The following C4orf50 variants were observed in gnomAD, a reference collection of about 807,000 sequenced individuals.
C4orf50 encodes the protein chromosome 4 open reading frame 50.
In C4orf50, 80 loss-of-function variants were observed where a neutral mutation model predicts 77.2. The ratio of observed to expected loss-of-function variants is 1.04; its 90% CI spans 0.87 to 1.25. The LOEUF (loss-of-function observed/expected upper bound fraction) is 1.25, where lower values mean the gene tolerates loss of function less well. Among genes scored for constraint, C4orf50 ranks in the 50% most tolerant of loss-of-function variants. The probability of loss-of-function intolerance (pLI) is 0.00; values close to 1 mark genes in which losing one functional copy is unlikely to be tolerated. For missense variants in C4orf50, 1,257 were observed against 1,152.9 expected, an observed-to-expected ratio of 1.09 and a Z score of -1.31; for synonymous variants, 532 against 465.3, an observed-to-expected ratio of 1.14 and a Z score of -1.84.
At chr4:5,973,769 G>A in exon 31 of C4orf50, 3 of 1,613,856 alleles carry the variant, frequency 1.9e-6, no homozygotes, top group Non-Finnish European at 2.5e-6. Context: ...CCATGTCTGT[G>A]CAGCTCCTGC....
At chr4:5,959,202 C>A in exon 34 of C4orf50, 1 of 737,186 alleles carries the variant, frequency 1.4e-6, no homozygotes, top group Non-Finnish European at 2.2e-6. Context: ...AGGCACAGGC[C>A]AGCGTTTCTC....
At chr4:5,914,093 G>A (rs917182525) in intron 7 of C4orf50, among the ~76,000 whole-genome samples, 1 of 151,316 alleles carries the variant, frequency 6.6e-6, no homozygotes. Flanking sequence ...TGAAAAAGTA[G>A]ATAAAATTGT....
At chr4:5,941,803 C>T (rs1255093984) in intron 7 of C4orf50, among the ~76,000 whole-genome samples, 5 of 152,076 alleles carry the variant, frequency 3.3e-5, no homozygotes, top group Admixed American at 3.3e-4. Context: ...CTAAGGTTGG[C>T]CTGGCGCCAG....
intron 28 of C4orf50, among the ~76,000 whole-genome samples, chr4:5,987,989 G>A (rs1296951707): frequency 6.6e-6 from 1 of 152,174 alleles, no homozygotes. Flanking sequence ...AGTACTTGGA[G>A]CACTTGAAAA....
At chr4:5,906,653 C>T (rs191713664) in intron 7 of C4orf50, among the ~76,000 whole-genome samples, 59 of 152,310 alleles carry the variant, frequency 3.9e-4, no homozygotes, top group African/African-American at 1.3e-3. Flanking sequence ...TGCTGCAATG[C>T]TAAGGGTCTC....
At chr4:5,933,805 G>A (rs897946783) in intron 7 of C4orf50, among the ~76,000 whole-genome samples, 1 of 152,178 alleles carries the variant, frequency 6.6e-6, no homozygotes, top group African/African-American at 2.4e-5. Flanking sequence ...CCCCTGGGAG[G>A]CATGGGAGTG....
chr4:5,989,759 CA>C lies in C4orf50; in HGVS notation c.2286del (p.Phe762LeufsTer31). The C allele has an allele frequency of 6.5e-7, 1 of 1,531,206 alleles. No individual in the cohort carries two copies. The highest frequency in any genetic ancestry group is 8.7e-7 in the Non-Finnish European group (1 of 1,143,132). The allele number at this position is 1,531,206 out of a possible 1,614,324, so 94.9% of individuals were successfully genotyped here. On this transcript the variant is annotated frameshift_variant, in exon 28 of 34. Coordinates refer to ENST00000531445, the Ensembl canonical transcript of C4orf50. LOFTEE classifies it high-confidence loss of function. Reference sequence around the variant, plus strand: ...AACAGTGGCAAACCTGTCTCTCCTGCAAAGAAAAGCATTTCCTTGCTCTCAT... The same window carrying C: ...AACAGTGGCAAACCTGTCTCTCCTGCAAGAAAAGCATTTCCTTGCTCTCAT...
chr4:5,915,756 A>G (rs1436947906), intron 7 of C4orf50, among the ~76,000 whole-genome samples: 2 of 152,158 alleles, frequency 1.3e-5, no homozygotes, highest in East Asian at 3.9e-4. Context: ...TTTCAATAGG[A>G]TGTGTCCTGT....
In C4orf50 at chr4:6,008,702, T is replaced by C. The variant is rs1037636200; in HGVS notation, c.427-170A>G. 1.3e-5 allele frequency among the ~76,000 whole-genome samples: 2 copies of C among 152,232 alleles called. No individual in the cohort carries two copies. The highest frequency in any genetic ancestry group is 4.8e-5 in the African/African-American group (2 of 41,476). On this transcript the variant is annotated intron_variant, in intron 24 of 33. Coordinates refer to ENST00000531445, the Ensembl canonical transcript of C4orf50. This position sits in a 1 kb window ranked among gnomAD's most constrained non-coding sequence, Gnocchi z 6.0. ...TATCTCTTTGACTGTTTTGGCATCCTCTTAAATTTTGCACGGAGGCAAGTG... is the reference window on the plus strand; with the variant it reads ...TATCTCTTTGACTGTTTTGGCATCCCCTTAAATTTTGCACGGAGGCAAGTG...
chr4:6,003,724 A>ATAG (rs1451599291), intron 25 of C4orf50, among the ~76,000 whole-genome samples: 7 of 135,022 alleles, frequency 5.2e-5, no homozygotes, highest in Admixed American at 3.7e-4. Context: ...GATGGTGATG[A>ATAG]TGGTGATGGT....
Position 5,958,597 on chromosome 4 carries a change from A to G in C4orf50, c.*778T>C, listed in dbSNP as rs932617251. ...TGCGTGCTGATTTACTCACAGGAGT[A>G]TCTCTCCCATTGTCCTGTGAGGTCC... is the stretch of plus-strand genomic sequence containing the variant. On this transcript the variant is annotated 3_prime_UTR_variant, in exon 34 of 34. Transcript: ENST00000531445. This position sits in a 1 kb window ranked among gnomAD's most constrained non-coding sequence, Gnocchi z 5.4. 1 of 152,142 alleles carries G rather than the reference A, an allele frequency of 6.6e-6. No individual in the cohort carries two copies. Among genetic ancestry groups the G allele is most frequent in the Non-Finnish European group, 1.5e-5 (1 of 68,056 alleles). 9.4% of individuals were successfully genotyped at this position (152,142 alleles called of 1,614,324 possible). A position where few individuals can be genotyped will look rare whatever the true frequency, so the allele number is the denominator to read the frequency against.
At chr4:6,001,685 A>C (rs1446441132) in intron 25 of C4orf50, among the ~76,000 whole-genome samples, 2 of 152,240 alleles carry the variant, frequency 1.3e-5, no homozygotes, top group East Asian at 3.8e-4. Context: ...TACTTAATAA[A>C]TATTCACCCA....
In C4orf50 at chr4:5,952,065, A is replaced by G. The variant is rs543136017; in HGVS notation, c.*2474+4836T>C. 6.6e-6 allele frequency among the ~76,000 whole-genome samples: 1 copy of G among 152,330 alleles called. No homozygotes were observed. The highest frequency in any genetic ancestry group is 2.1e-4 in the South Asian group (1 of 4,824). ...AAGTGCCATTAAAATAAAATGAATC[A>G]ACTAGTTCATGGAGTCATTCAACAA... On this transcript the variant is annotated intron_variant, in intron 7 of 7. Coordinates refer to the C4orf50 transcript ENST00000324058. This position sits in a 1 kb window ranked among gnomAD's most constrained non-coding sequence, Gnocchi z 4.4.
intron 28 of C4orf50, among the ~76,000 whole-genome samples, chr4:5,985,172 GT>G (rs1254883402): frequency 6.6e-6 from 1 of 151,944 alleles, no homozygotes; most frequent in African/African-American, 2.4e-5. Flanking sequence ...TTAAAAAATT[GT>G]TTTCATAAAA....
rs771307378 is a variant in C4orf50 at position 5,905,299 on chromosome 4, G to A, written c.*2475-7111C>T. 1.3e-5 allele frequency: 2 copies of A among 152,208 alleles called. No homozygotes were observed. Among genetic ancestry groups the A allele is most frequent in the Non-Finnish European group, 2.9e-5 (2 of 68,060 alleles). The allele number at this position is 152,208 out of a possible 1,614,324, so 9.4% of individuals were successfully genotyped here. On this transcript the variant is annotated intron_variant, in intron 7 of 7. Coordinates refer to the C4orf50 transcript ENST00000324058. The surrounding 1 kb of genome is among the most constrained non-coding windows in gnomAD (Gnocchi z 5.4). Reference sequence around the variant, plus strand: ...TACAGAGTAGAAGTATTCCCTATTAGTGACTTGAGACAGGAAGATGGTTGC... The same window carrying A: ...TACAGAGTAGAAGTATTCCCTATTAATGACTTGAGACAGGAAGATGGTTGC...
chr4:5,989,746 C>T, exon 28 of C4orf50: 2 of 1,534,484 alleles, frequency 1.3e-6, no homozygotes, highest in Middle Eastern at 1.7e-4. Flanking sequence ...CAGTGGCAAA[C>T]CTGTCTCTCC....
Position 6,011,395 on chromosome 4 carries a change from G to T in C4orf50, c.426+435C>A, listed in dbSNP as rs1484815445. On this transcript the variant is annotated intron_variant, in intron 24 of 33. Coordinates refer to ENST00000531445, the Ensembl canonical transcript of C4orf50. The surrounding 1 kb of genome is among the most constrained non-coding windows in gnomAD (Gnocchi z 4.2). ...CTTCCCAACAAGGCCCAGCTCACAT[G>T]GCCTCAGCTCTCTGTAGCTCTCCTC... Among the ~76,000 whole-genome samples the T allele has an allele frequency of 2.0e-5, 3 of 152,006 alleles. No homozygotes were observed. Among genetic ancestry groups the T allele is most frequent in the Non-Finnish European group, 2.9e-5 (2 of 67,986 alleles).
rs938595840 is a variant in C4orf50 at position 5,916,373 on chromosome 4, C to A, written c.*2475-18185G>T. Among the ~76,000 whole-genome samples the A allele has an allele frequency of 6.8e-6, 1 of 147,988 alleles. No homozygotes were observed. The highest frequency in any genetic ancestry group is 6.6e-5 in the Admixed American group (1 of 15,208). On this transcript the variant is annotated intron_variant, in intron 7 of 7. Transcript: ENST00000324058. The surrounding 1 kb of genome is among the most constrained non-coding windows in gnomAD (Gnocchi z 4.4). ...GGGCTTAACCACGCCGAACAGACAG[C>A]CTTGGGTCCCTGCCCACCACAGAGA...
intron 7 of C4orf50, among the ~76,000 whole-genome samples, chr4:5,906,791 T>A (rs1049259075): frequency 8.5e-5 from 13 of 152,164 alleles, no homozygotes; most frequent in Non-Finnish European, 5.9e-5. Flanking sequence ...AAAATGTATT[T>A]TTATCTATCT....
Sources: allele counts gnomAD v4.1 joint callset (sites outside exome capture counted in the v4.1 genomes callset), GRCh38; gene constraint gnomAD v4.1.1; non-coding constraint Gnocchi (gnomAD v3.1); transcripts MANE v1.5; gene names NCBI Gene and HGNC (gene_info 2026-07-23, HGNC 2026-07-21).